MKLN1: variants seen among roughly 807,000 people sequenced by gnomAD.
MKLN1 encodes the protein muskelin 1, also known as muskelin.
Under a neutral mutation model 99.0 loss-of-function variants are expected in MKLN1, and 18 were observed. The ratio of observed to expected loss-of-function variants is 0.18; its 90% CI spans 0.13 to 0.27. MKLN1 has a LOEUF of 0.27. Ranked by LOEUF, MKLN1 falls within the 10% of genes least tolerant of loss-of-function variation. The probability of loss-of-function intolerance (pLI) is 1.00; values close to 1 mark genes in which losing one functional copy is unlikely to be tolerated. For missense variants in MKLN1, 621 were observed against 875.9 expected, an observed-to-expected ratio of 0.71 and a Z score of 3.67; for synonymous variants, 288 against 293.2, an observed-to-expected ratio of 0.98 and a Z score of 0.18.
intron 4 of MKLN1, among the ~76,000 whole-genome samples, chr7:131,395,992 T>C (rs1400262044): frequency 6.6e-6 from 1 of 151,994 alleles, no homozygotes. Context: ...ATTTTCTAAT[T>C]GGTTATTGTA....
At chr7:131,213,001 G>A (rs893315146) in intron 3 of MKLN1, among the ~76,000 whole-genome samples, 1 of 151,354 alleles carries the variant, frequency 6.6e-6, no homozygotes. Flanking sequence ...TTTGTGAAAA[G>A]TCTTACAATA....
At chr7:131,325,806 G>A (rs1290314164), upstream of MKLN1, among the ~76,000 whole-genome samples, 3 of 151,460 alleles carry the variant, frequency 2.0e-5, no homozygotes, top group African/African-American at 7.3e-5. Context: ...CTGGCTTAGA[G>A]CAAGCTCCGG....
intron 1 of MKLN1, among the ~76,000 whole-genome samples, chr7:131,361,328 A>G (rs1427703854): frequency 7.1e-6 from 1 of 141,372 alleles, no homozygotes; most frequent in South Asian, 2.2e-4. Flanking sequence ...TTTTTTCTTT[A>G]TTTTCTTTTT....
At chr7:131,123,277 C>T (rs1389423505) in intron 1 of MKLN1, among the ~76,000 whole-genome samples, 1 of 152,176 alleles carries the variant, frequency 6.6e-6, no homozygotes, top group East Asian at 1.9e-4. Context: ...TATAAAGGGC[C>T]AGAAAGGAAA....
In MKLN1 at chr7:131,272,997, C is replaced by T. The variant is rs543767365; in HGVS notation, c.-179+70023C>T. 6.7e-4 allele frequency among the ~76,000 whole-genome samples: 102 copies of T among 152,306 alleles called. 1 individual carries two copies. The South Asian group carries it at 0.02, about 30-fold the overall frequency. ...CTTAATTGTCTTCAAATGTAAAATGCTAATCCAAAGAGGAAAGAGAAAGGA... is the reference window on the plus strand; with the variant it reads ...CTTAATTGTCTTCAAATGTAAAATGTTAATCCAAAGAGGAAAGAGAAAGGA... On this transcript the variant is annotated intron_variant, in intron 3 of 7. Transcript: ENST00000416992.
chr7:131,168,036 C>A (rs1796150950), intron 2 of MKLN1, among the ~76,000 whole-genome samples: 1 of 152,156 alleles, frequency 6.6e-6, no homozygotes, highest in African/African-American at 2.4e-5. Context: ...TTATTGGTGA[C>A]TTATTTTTCC....
chr7:131,260,507 A>G (rs1797716642), intron 3 of MKLN1, among the ~76,000 whole-genome samples: 1 of 152,230 alleles, frequency 6.6e-6, no homozygotes, highest in African/African-American at 2.4e-5. Flanking sequence ...ATGCTCATGG[A>G]TAGAAAAAAT....
At chr7:131,324,165 A>T (rs908539917), upstream of MKLN1, 1 of 152,248 alleles carries the variant, frequency 6.6e-6, no homozygotes, top group Non-Finnish European at 1.5e-5. Context: ...GCAGAGCTCT[A>T]TACCCGAATC....
At chr7:131,162,903 A>G (rs979637866) in intron 2 of MKLN1, among the ~76,000 whole-genome samples, 2 of 152,250 alleles carry the variant, frequency 1.3e-5, no homozygotes, top group African/African-American at 4.8e-5. Flanking sequence ...TTAATGGGCT[A>G]CTAGAAAATG....
intron 3 of MKLN1, among the ~76,000 whole-genome samples, chr7:131,320,527 T>G (rs938195439): frequency 6.6e-6 from 1 of 152,120 alleles, no homozygotes; most frequent in African/African-American, 2.4e-5. Flanking sequence ...GGGCAAAGAC[T>G]TCATGACTAA....
intron 1 of MKLN1, among the ~76,000 whole-genome samples, chr7:131,370,411 TCTTA>T (rs1386400880): frequency 2.0e-5 from 3 of 151,990 alleles, no homozygotes; most frequent in Non-Finnish European, 4.4e-5. Context: ...AGTCTTTAAT[TCTTA>T]CTTTTAAAAA....
chr7:131,204,940 A>AAAG (rs1300742539), intron 3 of MKLN1, among the ~76,000 whole-genome samples: 1 of 151,476 alleles, frequency 6.6e-6, no homozygotes, highest in Non-Finnish European at 1.5e-5. Flanking sequence ...TATCAAAAAA[A>AAAG]AAAAAAAATT....
chr7:131,413,377 T>TA (rs879440100), intron 7 of MKLN1, among the ~76,000 whole-genome samples: 9 of 152,194 alleles, frequency 5.9e-5, no homozygotes, highest in Non-Finnish European at 1.3e-4. Flanking sequence ...TAAAATTGGA[T>TA]ATTCTCAATT....
chr7:131,246,419 C>A (rs1797490334), intron 3 of MKLN1, among the ~76,000 whole-genome samples: 2 of 152,208 alleles, frequency 1.3e-5, no homozygotes, highest in Admixed American at 6.5e-5. Context: ...GAAGTCTAGT[C>A]TGGGTTATCT....
At chr7:131,296,064 G>T (rs1017679547) in intron 3 of MKLN1, among the ~76,000 whole-genome samples, 3 of 152,058 alleles carry the variant, frequency 2.0e-5, no homozygotes, top group African/African-American at 7.2e-5. Flanking sequence ...GAATATAAAG[G>T]AACAACTTTT....
chr7:131,146,292 T>C (rs1795814370), intron 2 of MKLN1, among the ~76,000 whole-genome samples: 1 of 152,148 alleles, frequency 6.6e-6, no homozygotes, highest in Admixed American at 6.6e-5. Flanking sequence ...CAGTGAGCTA[T>C]GATCATGCCA....
At position 131,250,680 on chromosome 7, in the gene MKLN1, G is replaced by T. The variant is rs541643020; in HGVS notation, c.-179+47706G>T. 2.6e-5 allele frequency among the ~76,000 whole-genome samples: 4 copies of T among 152,280 alleles called. No homozygotes were observed. The East Asian group carries it at 7.7e-4, about 29-fold the overall frequency. ...CAAAACAATTTGCAGTTAATTGGGG[G>T]TTGTATCGTCATAATTCTAGATTAA... On this transcript the variant is annotated intron_variant, in intron 3 of 7. Coordinates refer to the MKLN1 transcript ENST00000416992.
Position 131,304,687 on chromosome 7 carries a change from T to A in MKLN1, c.-178-70737T>A, listed in dbSNP as rs77767594. Among the ~76,000 whole-genome samples the A allele has an allele frequency of 2.0e-5, 3 of 152,326 alleles. No homozygotes were observed. The East Asian group carries it at 5.8e-4, about 29-fold the overall frequency. On this transcript the variant is annotated intron_variant, in intron 3 of 7. Coordinates refer to the MKLN1 transcript ENST00000416992. ...CTGGTAAGCTGAAGGAAAACCCTTATAGGACCTATCTGAAGAATTTTTTCC... is the reference window on the plus strand; with the variant it reads ...CTGGTAAGCTGAAGGAAAACCCTTAAAGGACCTATCTGAAGAATTTTTTCC...
intron 3 of MKLN1, among the ~76,000 whole-genome samples, chr7:131,231,251 CAG>C (rs1262361451): frequency 6.6e-6 from 1 of 150,966 alleles, no homozygotes; most frequent in East Asian, 2.0e-4. Context: ...GGAAAAGATT[CAG>C]AGAGTTGATA....
Sources: gnomAD v4.1 joint callset for allele counts (sites outside exome capture counted in the v4.1 genomes callset) on GRCh38, gnomAD v4.1.1 for gene constraint, MANE v1.5 for transcripts, NCBI Gene and HGNC (gene_info 2026-07-23, HGNC 2026-07-21) for gene names.